Variants in SORBS2 observed in about 807,000 individuals in gnomAD.
The protein encoded by SORBS2 is sorbin and SH3 domain containing 2, also known as sorbin and SH3 domain-containing protein 2.
SORBS2 carries 46 observed loss-of-function variants against 97.7 expected under a neutral mutation model. The observed-to-expected ratio is 0.47, with a 90% CI of 0.37 to 0.60. The LOEUF (loss-of-function observed/expected upper bound fraction) is 0.60. SORBS2 is among the 20% of genes least tolerant of loss of function. The probability of loss-of-function intolerance (pLI) is 0.00; values close to 1 mark genes in which losing one functional copy is unlikely to be tolerated. For synonymous variants in SORBS2, 476 were observed against 473.4 expected (o/e 1.01, Z -0.07); for missense variants, 1,316 against 1,282.3 (o/e 1.03, Z -0.40).
At chr4:185,712,566 C>T (rs2098431652) in intron 2 of SORBS2, among the ~76,000 whole-genome samples, 3 of 152,222 alleles carry the variant, frequency 2.0e-5, no homozygotes, top group Admixed American at 6.5e-5. Context: ...GGCAGAGGGC[C>T]CACTAAGCTG....
At position 185,867,584 on chromosome 4, in the gene SORBS2, G is replaced by A. The variant is rs183989378; in HGVS notation, c.-338+88612C>T. Reference sequence around the variant, plus strand: ...AGAGGGAGGAATGATCACATTTCTTGTTTAAGTCAGCTCAAATTTGAGTTC... The same window carrying A: ...AGAGGGAGGAATGATCACATTTCTTATTTAAGTCAGCTCAAATTTGAGTTC... On this transcript the variant is annotated intron_variant, in intron 1 of 20. Transcript: ENST00000284776. 3.9e-5 allele frequency among the ~76,000 whole-genome samples: 6 copies of A among 152,272 alleles called. No homozygotes were observed. The East Asian group carries it at 9.7e-4, about 25-fold the overall frequency.
intron 2 of SORBS2, among the ~76,000 whole-genome samples, chr4:185,692,366 A>G (rs569132054): frequency 7.0e-4 from 107 of 152,356 alleles, no homozygotes; most frequent in Non-Finnish European, 1.1e-3. Context: ...TAAATTTGAA[A>G]TGAAATCATT....
At chr4:185,708,562 C>A (rs2098380695) in intron 2 of SORBS2, among the ~76,000 whole-genome samples, 1 of 152,152 alleles carries the variant, frequency 6.6e-6, no homozygotes. Flanking sequence ...GCTGGATGAA[C>A]CTTATAAAAA....
At chr4:185,726,203 C>T (rs2098553599) in intron 2 of SORBS2, among the ~76,000 whole-genome samples, 1 of 152,160 alleles carries the variant, frequency 6.6e-6, no homozygotes, top group Non-Finnish European at 1.5e-5. Flanking sequence ...TAAAATTACA[C>T]ACAGTTTTAG....
chr4:185,878,964 A>G (rs1048660570), intron 1 of SORBS2, among the ~76,000 whole-genome samples: 2 of 152,138 alleles, frequency 1.3e-5, no homozygotes, highest in Admixed American at 1.3e-4. Flanking sequence ...CTAGTTCAGC[A>G]CCAACTCTCC....
At chr4:185,616,300 T>G (rs573643366) in intron 9 of SORBS2, among the ~76,000 whole-genome samples, 95 of 152,236 alleles carry the variant, frequency 6.2e-4, no homozygotes, top group Non-Finnish European at 1.2e-3. Flanking sequence ...GGTGGTATAT[T>G]AAAAGAATGA....
intron 2 of SORBS2, chr4:185,772,575 T>C (rs2098977789): frequency 6.6e-6 from 1 of 152,150 alleles, no homozygotes; most frequent in Non-Finnish European, 1.5e-5. Context: ...TTCCTTCAGC[T>C]GAATTATACC....
intron 1 of SORBS2, among the ~76,000 whole-genome samples, chr4:185,797,109 A>G (rs979318105): frequency 1.3e-5 from 2 of 151,948 alleles, no homozygotes; most frequent in African/African-American, 4.8e-5. Flanking sequence ...GATTTCCCTC[A>G]CTCTATGCAT....
intron 1 of SORBS2, among the ~76,000 whole-genome samples, chr4:185,847,803 T>C (rs1307193484): frequency 1.4e-4 from 21 of 152,160 alleles, no homozygotes; most frequent in Admixed American, 1.3e-3. Context: ...TCTTAGGAGA[T>C]CTGTTCATCA....
chr4:185,778,227 T>C (rs184583323), intron 1 of SORBS2, among the ~76,000 whole-genome samples: 2 of 152,194 alleles, frequency 1.3e-5, no homozygotes, highest in Non-Finnish European at 1.5e-5. Context: ...TCTCAAAAGG[T>C]AGTGAGCATC....
intron 2 of SORBS2, among the ~76,000 whole-genome samples, chr4:185,749,779 T>A (rs373870437): frequency 1.1e-4 from 16 of 152,318 alleles, no homozygotes; most frequent in South Asian, 4.1e-4. Flanking sequence ...AGAAAACAAA[T>A]GCAGAAATAG....
intron 4 of SORBS2, among the ~76,000 whole-genome samples, chr4:185,673,412 C>G (rs1040203714): frequency 6.6e-6 from 1 of 152,148 alleles, no homozygotes; most frequent in African/African-American, 2.4e-5. Flanking sequence ...GACACGCTAT[C>G]TTGGAACAAA....
intron 2 of SORBS2, among the ~76,000 whole-genome samples, chr4:185,747,528 G>T (rs955338040): frequency 1.3e-5 from 2 of 149,672 alleles, no homozygotes; most frequent in African/African-American, 4.9e-5. Context: ...CCCCATAGAA[G>T]ACAAGGCACT....
At chr4:185,612,169 T>C (rs575520145) in intron 11 of SORBS2, among the ~76,000 whole-genome samples, 189 bp from the exon 24 acceptor site, 2 of 152,310 alleles carry the variant, frequency 1.3e-5, no homozygotes, top group Non-Finnish European at 2.9e-5. Context: ...TCAACATATA[T>C]GTAATTGAAA....
At chr4:185,746,917 G>C (rs1451960190) in intron 2 of SORBS2, among the ~76,000 whole-genome samples, 1 of 152,168 alleles carries the variant, frequency 6.6e-6, no homozygotes, top group African/African-American at 2.4e-5. Context: ...CCTGTGCCCT[G>C]TATTTGAAGA....
At chr4:185,826,140 A>T (rs1161902314) in intron 1 of SORBS2, among the ~76,000 whole-genome samples, 3 of 152,242 alleles carry the variant, frequency 2.0e-5, no homozygotes, top group African/African-American at 7.2e-5. Flanking sequence ...GACTCAGACA[A>T]AATATTTTAA....
chr4:185,629,143 T>C (rs1405642525), intron 5 of SORBS2, among the ~76,000 whole-genome samples: 1 of 152,210 alleles, frequency 6.6e-6, no homozygotes, highest in Admixed American at 6.5e-5. Context: ...TACATGTGTC[T>C]GGGATGTACG....
intron 12 of SORBS2, among the ~76,000 whole-genome samples, chr4:185,608,689 T>A (rs1326654900): frequency 6.6e-6 from 1 of 152,212 alleles, no homozygotes; most frequent in East Asian, 1.9e-4. Flanking sequence ...CTTACTAACA[T>A]TGGAATACGT....
At chr4:185,699,248 A>C (rs575243379) in intron 2 of SORBS2, among the ~76,000 whole-genome samples, 5 of 150,284 alleles carry the variant, frequency 3.3e-5, no homozygotes, top group African/African-American at 1.2e-4. Context: ...TTTAAGTAAT[A>C]CATTACTTAC....
Sources: gnomAD v4.1 joint callset for allele counts (sites outside exome capture counted in the v4.1 genomes callset) on GRCh38, gnomAD v4.1.1 for gene constraint, MANE v1.5 for transcripts, NCBI Gene and HGNC (gene_info 2026-07-23, HGNC 2026-07-21) for gene names.